SAG: variants seen among roughly 807,000 people sequenced by gnomAD.
The protein encoded by SAG is S-antigen visual arrestin, also known as S-arrestin.
Under a neutral mutation model 55.0 loss-of-function variants are expected in SAG, and 45 were observed. The observed-to-expected ratio is 0.82, with a 90% CI of 0.64 to 1.05. The LOEUF (loss-of-function observed/expected upper bound fraction) is 1.05. Ranked by LOEUF, SAG falls within the 50% of genes least tolerant of loss-of-function variation. SAG has a pLI of 0.00. For missense variants in SAG, 455 were observed against 512.1 expected (o/e 0.89, Z 1.08); for synonymous variants, 189 against 197.4 (o/e 0.96, Z 0.36).
chr2:233,341,137 G>GTTTTATTTTA (rs531753059), intron 13 of SAG, among the ~76,000 whole-genome samples: 3 of 152,100 alleles, frequency 2.0e-5, no homozygotes, highest in East Asian at 3.9e-4. Context: ...TAACCGTTTT[G>GTTTTATTTTA]TTTTATTTTA....
intron 5 of SAG, among the ~76,000 whole-genome samples, chr2:233,322,333 G>A (rs190292755): frequency 5.3e-4 from 80 of 152,206 alleles, no homozygotes; most frequent in South Asian, 2.1e-4. Flanking sequence ...GACTGGCTAC[G>A]TTAAGTGTAC....
intron 6 of SAG, among the ~76,000 whole-genome samples, chr2:233,323,337 G>A (rs185252835): frequency 5.3e-4 from 80 of 152,064 alleles, no homozygotes; most frequent in African/African-American, 1.9e-3. Flanking sequence ...GGGATTACAG[G>A]TGTGAGCCAC....
rs553610328 is a variant in SAG at position 233,319,929 on chromosome 2, G to A, written c.182-701G>A. Reference sequence around the variant, plus strand: ...CACGCACTTGGCGGGGCCGCCTCTCGTGCTTTATATTTGAGAAATATGTGC... The same window carrying A: ...CACGCACTTGGCGGGGCCGCCTCTCATGCTTTATATTTGAGAAATATGTGC... On this transcript the variant is annotated intron_variant, in intron 4 of 15. Transcript: ENST00000409110. The surrounding 1 kb of genome is among the most constrained non-coding windows in gnomAD (Gnocchi z 4.4). 9.1e-6 allele frequency: 9 copies of A among 985,578 alleles called. No homozygotes were observed. The highest frequency in any genetic ancestry group is 6.1e-5 in the Admixed American group (1 of 16,290). 61.1% of individuals were successfully genotyped at this position (985,578 alleles called of 1,614,324 possible).
In SAG at chr2:233,346,429, AATGTGGCCCTG is replaced by A. The variant is rs1701254574; in HGVS notation, c.1112+20_1112+30del. 1 of 1,613,544 alleles carries A rather than the reference AATGTGGCCCTG, an allele frequency of 6.2e-7. No individual in the cohort carries two copies. Among genetic ancestry groups the A allele is most frequent in the Admixed American group, 1.7e-5 (1 of 60,016 alleles). ...TAAGGAAAGGTGAGTGAGCCTCTTG[AATGTGGCCCTG>A]ATTTGTCCTATGCTCTGGGACCTTC... On this transcript the variant is annotated intron_variant, in intron 15 of 15. Transcript: ENST00000409110.
intron 8 of SAG, 173 bp downstream of exon 8, chr2:233,328,786 C>A (rs1253736748): frequency 2.9e-6 from 2 of 687,802 alleles, no homozygotes; most frequent in Non-Finnish European, 4.7e-6. Flanking sequence ...CAGCCTGGAG[C>A]TGGTCAGCAT....
At chr2:233,320,847 C>T (rs1354376167) in intron 5 of SAG, 24 bp downstream of exon 5, 2 of 1,554,300 alleles carry the variant, frequency 1.3e-6, no homozygotes, top group Non-Finnish European at 1.7e-6. Flanking sequence ...CCGGCCAGCC[C>T]TGCTTCCTTC....
At chr2:233,346,266 T>C (rs1364790053) in intron 14 of SAG, 137 bp from the exon 15 acceptor site, 1 of 863,606 alleles carries the variant, frequency 1.2e-6, no homozygotes, top group Non-Finnish European at 1.9e-6. Flanking sequence ...GAACTGCATG[T>C]ATCTAGGCCT....
intron 11 of SAG, among the ~76,000 whole-genome samples, chr2:233,337,600 A>G (rs1700976612): frequency 6.6e-6 from 1 of 152,122 alleles, no homozygotes; most frequent in Non-Finnish European, 1.5e-5. Context: ...TCTGGGGAGC[A>G]CTGTGGTCCT....
At chr2:233,310,019 G>C (rs1026848317) in intron 2 of SAG, among the ~76,000 whole-genome samples, 1 of 152,232 alleles carries the variant, frequency 6.6e-6, no homozygotes, top group Non-Finnish European at 1.5e-5. Context: ...CACCCGGGGG[G>C]TCTCAAGCCT....
rs367711171 is a variant in SAG, at chr2:233,323,770, G to A, written c.435+765G>A. Among the ~76,000 whole-genome samples, 23 of 152,292 alleles carry A rather than the reference G, an allele frequency of 1.5e-4. No individual in the cohort carries two copies. In the East Asian group the frequency reaches 2.5e-3, roughly 17 times the overall value. On this transcript the variant is annotated intron_variant, in intron 6 of 15. Transcript: ENST00000409110. ...ATGAACCCATCACTCATCTTCAGCA[G>A]TTATTAACCATGAACATCCTTGTGA... is the stretch of plus-strand genomic sequence containing the variant.
chr2:233,308,209 C>T (rs1450156389), intron 1 of SAG, among the ~76,000 whole-genome samples, 187 bp downstream of exon 1: 2 of 152,214 alleles, frequency 1.3e-5, no homozygotes, highest in Non-Finnish European at 2.9e-5. Flanking sequence ...CCTATAGTCC[C>T]AGTGACTCAG....
At chr2:233,318,015 C>T (rs1700260824) in intron 3 of SAG, among the ~76,000 whole-genome samples, 1 of 152,072 alleles carries the variant, frequency 6.6e-6, no homozygotes, top group Non-Finnish European at 1.5e-5. Context: ...TCTCTATCAC[C>T]CAGGCTGGAG....
intron 3 of SAG, among the ~76,000 whole-genome samples, chr2:233,317,414 G>A (rs1574931043): frequency 6.6e-6 from 1 of 152,314 alleles, no homozygotes; most frequent in East Asian, 1.9e-4. Context: ...CTGGATGAAG[G>A]ATACTAGGGA....
Position 233,340,628 on chromosome 2 carries a change from C to T in SAG, c.1046+150C>T, listed in dbSNP as rs1701068759. 7 of 667,524 alleles carry T rather than the reference C, an allele frequency of 1.0e-5. No homozygotes were observed. The highest frequency in any genetic ancestry group is 1.9e-5 in the Non-Finnish European group (7 of 373,594). The allele number at this position is 667,524 out of a possible 1,614,324, so 41.4% of individuals were successfully genotyped here. On this transcript the variant is annotated intron_variant, in intron 13 of 15. Transcript: ENST00000409110. The surrounding 1 kb of genome is among the most constrained non-coding windows in gnomAD (Gnocchi z 4.2). ...TGATGCTTTGCCTTCGGATGCATCA[C>T]AGAACCGTGGCTCATAGGCGTTTCT...
intron 3 of SAG, among the ~76,000 whole-genome samples, chr2:233,317,281 A>G (rs1313825230): frequency 1.3e-5 from 2 of 152,276 alleles, no homozygotes; most frequent in Non-Finnish European, 2.9e-5. Context: ...GATTGTTCAC[A>G]GCAGCTTTAT....
intron 2 of SAG, among the ~76,000 whole-genome samples, 181 bp downstream of exon 2, chr2:233,309,445 C>G (rs769927174): frequency 2.6e-5 from 4 of 151,778 alleles, no homozygotes; most frequent in Non-Finnish European, 1.5e-5. Flanking sequence ...GCCAGGAGTT[C>G]GAGACCAGCC....
At chr2:233,327,495 T>C (rs959539613) in intron 7 of SAG, 5 of 293,788 alleles carry the variant, frequency 1.7e-5, no homozygotes, top group African/African-American at 8.7e-5. Context: ...TTGTTTTTTG[T>C]GGTAAAATGT....
rs1192381241 is a variant in SAG at position 233,331,802 on chromosome 2, T to A, written c.806+90T>A. On this transcript the variant is annotated intron_variant, in intron 10 of 15. Coordinates refer to ENST00000409110, the MANE Select transcript of SAG (RefSeq NM_000541.5). ...TTTATTGCTGAAGAAGGAACTAGAA[T>A]GTTCAGCTAGCTCGCCAGCCTTCCA... The A allele has an allele frequency of 3.3e-6, 3 of 920,032 alleles. No individual in the cohort carries two copies. The Admixed American group carries it at 6.0e-5, about 18-fold the overall frequency. 57.0% of individuals were successfully genotyped at this position (920,032 alleles called of 1,614,324 possible). A position where few individuals can be genotyped will look rare whatever the true frequency, so the allele number is the denominator to read the frequency against.
chr2:233,346,280 C>T, intron 14 of SAG, 123 bp from the exon 15 acceptor site: 1 of 1,039,272 alleles, frequency 9.6e-7, no homozygotes, highest in South Asian at 1.3e-5. Flanking sequence ...TAGGCCTTAT[C>T]TCTCAAATTG....
Sources: gnomAD v4.1 joint callset for allele counts (sites outside exome capture counted in the v4.1 genomes callset) on GRCh38, gnomAD v4.1.1 for gene constraint, Gnocchi (gnomAD v3.1) non-coding constraint, MANE v1.5 for transcripts, NCBI Gene and HGNC (gene_info 2026-07-23, HGNC 2026-07-21) for gene names.